LDB2: variants seen among roughly 807,000 people sequenced by gnomAD.
LDB2 encodes the protein LIM domain-binding protein 2.
Under a neutral mutation model 44.3 loss-of-function variants are expected in LDB2, and 12 were observed. That is an observed-to-expected ratio of 0.27 (90% CI 0.17 to 0.44). The LOEUF (loss-of-function observed/expected upper bound fraction) is 0.44. Among genes scored for constraint, LDB2 ranks in the 20% least tolerant of loss-of-function variants. The pLI is 1.00. For synonymous variants in LDB2, 164 were observed against 174.8 expected (o/e 0.94, Z 0.49); for missense variants, 344 against 473.5 (o/e 0.73, Z 2.54).
chr4:16,609,705 G>T (rs1338832524), intron 2 of LDB2, among the ~76,000 whole-genome samples: 3 of 152,096 alleles, frequency 2.0e-5, no homozygotes, highest in Admixed American at 2.0e-4. Context: ...GATCTCCCTG[G>T]GCCTGAGCCC....
At chr4:16,683,453 C>T (rs919239666) in intron 2 of LDB2, among the ~76,000 whole-genome samples, 3 of 152,210 alleles carry the variant, frequency 2.0e-5, no homozygotes, top group Non-Finnish European at 4.4e-5. Context: ...ACCTTGACCA[C>T]TTGATACCAT....
chr4:16,522,276 TTGTGTG>T (rs139556977), intron 5 of LDB2, among the ~76,000 whole-genome samples: 75 of 150,350 alleles, frequency 5.0e-4, no homozygotes, highest in Non-Finnish European at 3.0e-4. Context: ...GTGTGTGTGT[TTGTGTG>T]TGTGTGTGTG....
intron 1 of LDB2, among the ~76,000 whole-genome samples, chr4:16,873,897 A>G (rs1017602283): frequency 2.6e-4 from 40 of 152,138 alleles, no homozygotes; most frequent in Non-Finnish European, 1.5e-5. Context: ...GTTTCCATCC[A>G]CGTAATCTAC....
intron 1 of LDB2, among the ~76,000 whole-genome samples, chr4:16,798,780 G>A (rs1428637306): frequency 6.6e-6 from 1 of 152,238 alleles, no homozygotes; most frequent in Non-Finnish European, 1.5e-5. Context: ...GCTGGACTCT[G>A]TAATTTTCAG....
chr4:16,568,446 C>A (rs1402355348), intron 5 of LDB2, among the ~76,000 whole-genome samples: 2 of 152,128 alleles, frequency 1.3e-5, no homozygotes, highest in Non-Finnish European at 2.9e-5. Context: ...TGCAAGAGAA[C>A]CTTATGGCTT....
chr4:16,709,438 C>T (rs1755383451), intron 2 of LDB2, among the ~76,000 whole-genome samples: 1 of 152,192 alleles, frequency 6.6e-6, no homozygotes, highest in African/African-American at 2.4e-5. Flanking sequence ...CACATGAACA[C>T]ATGGGGTCTG....
chr4:16,566,181 A>T (rs974353402), intron 5 of LDB2, among the ~76,000 whole-genome samples: 10 of 152,134 alleles, frequency 6.6e-5, no homozygotes, highest in Non-Finnish European at 1.3e-4. Context: ...AGATAATCTG[A>T]TTCCAAAGTT....
chr4:16,704,777 T>C (rs577638640), intron 2 of LDB2, among the ~76,000 whole-genome samples: 1 of 152,316 alleles, frequency 6.6e-6, no homozygotes, highest in African/African-American at 2.4e-5. Context: ...TCAAAACTCA[T>C]AGATGATACT....
chr4:16,676,031 ACCC>A (rs1746234512), intron 2 of LDB2, among the ~76,000 whole-genome samples: 1 of 152,194 alleles, frequency 6.6e-6, no homozygotes, highest in Admixed American at 6.5e-5. Flanking sequence ...AGTATTTTAT[ACCC>A]ACATGAAGGC....
chr4:16,561,358 A>C (rs1302719345), intron 5 of LDB2, among the ~76,000 whole-genome samples: 3 of 152,214 alleles, frequency 2.0e-5, no homozygotes, highest in African/African-American at 7.2e-5. Flanking sequence ...CTGATAAGCA[A>C]CTTCAGCAAA....
intron 1 of LDB2, among the ~76,000 whole-genome samples, chr4:16,778,870 C>T (rs1038038540): frequency 1.3e-5 from 2 of 152,156 alleles, no homozygotes; most frequent in African/African-American, 2.4e-5. Context: ...TTTCAATATC[C>T]TTGGATGTAA....
At chr4:16,810,973 G>A (rs568879668) in intron 1 of LDB2, among the ~76,000 whole-genome samples, 10 of 152,266 alleles carry the variant, frequency 6.6e-5, no homozygotes, top group African/African-American at 2.4e-4. Flanking sequence ...GGTGGTGGGT[G>A]GATTCAGGGT....
chr4:16,536,225 T>C (rs1731815825), intron 5 of LDB2, among the ~76,000 whole-genome samples: 2 of 152,306 alleles, frequency 1.3e-5, no homozygotes, highest in Admixed American at 1.3e-4. Context: ...TAGGAGCAGA[T>C]AGCAAGCGTC....
intron 4 of LDB2, among the ~76,000 whole-genome samples, chr4:16,586,481 T>G (rs1213792642): frequency 1.4e-4 from 19 of 135,602 alleles, no homozygotes; most frequent in Non-Finnish European, 4.7e-5. Flanking sequence ...TGCCACTGTC[T>G]TGAAATACAC....
At chr4:16,662,441 T>A (rs187987782) in intron 2 of LDB2, among the ~76,000 whole-genome samples, 59 of 152,302 alleles carry the variant, frequency 3.9e-4, no homozygotes, top group Non-Finnish European at 6.8e-4. Flanking sequence ...CCCTACACAG[T>A]GCCTTGCAAA....
chr4:16,731,905 G>C (rs1760847994), intron 2 of LDB2, among the ~76,000 whole-genome samples: 1 of 152,102 alleles, frequency 6.6e-6, no homozygotes, highest in African/African-American at 2.4e-5. Context: ...TAAATCCAAA[G>C]ATATCTGAGG....
chr4:16,866,605 T>C (rs1306670018), intron 1 of LDB2, among the ~76,000 whole-genome samples: 1 of 152,254 alleles, frequency 6.6e-6, no homozygotes, highest in Non-Finnish European at 1.5e-5. Context: ...GAAGTTGGAC[T>C]CCAGGCCGGT....
intron 1 of LDB2, among the ~76,000 whole-genome samples, chr4:16,837,332 C>T (rs1785055852): frequency 6.6e-6 from 1 of 152,104 alleles, no homozygotes; most frequent in Admixed American, 6.5e-5. Flanking sequence ...AACTTCCATA[C>T]CAGACACATA....
At chr4:16,794,536 T>G (rs187831870) in intron 1 of LDB2, among the ~76,000 whole-genome samples, 39 of 152,304 alleles carry the variant, frequency 2.6e-4, no homozygotes, top group African/African-American at 8.7e-4. Flanking sequence ...GCTTTGTTAT[T>G]GAGCTGTGTG....
Sources: allele counts gnomAD v4.1 joint callset (sites outside exome capture counted in the v4.1 genomes callset), GRCh38; gene constraint gnomAD v4.1.1; transcripts MANE v1.5; gene names NCBI Gene and HGNC (gene_info 2026-07-23, HGNC 2026-07-21).